HECW1: variants seen among roughly 807,000 people sequenced by gnomAD.
The protein encoded by HECW1 is E3 ubiquitin-protein ligase HECW1.
HECW1 carries 61 observed loss-of-function variants against 182.3 expected under a neutral mutation model. The observed-to-expected ratio is 0.33, with a 90% CI of 0.27 to 0.41. HECW1 has a LOEUF of 0.41. HECW1 is among the 10% of genes least tolerant of loss of function. The pLI, the probability that HECW1 is intolerant of heterozygous loss-of-function variation, is 1.00. For missense variants in HECW1, 1,739 were observed against 2,108.9 expected (o/e 0.82, Z 3.44); for synonymous variants, 859 against 832.6 (o/e 1.03, Z -0.55).
intron 2 of HECW1, among the ~76,000 whole-genome samples, chr7:43,204,437 G>A (rs1388770942): frequency 6.6e-6 from 1 of 152,104 alleles, no homozygotes; most frequent in East Asian, 1.9e-4. Flanking sequence ...CTCACTATCA[G>A]AGTGCAAATC....
chr7:43,257,949 T>C (rs1235863082), intron 3 of HECW1, among the ~76,000 whole-genome samples: 1 of 152,220 alleles, frequency 6.6e-6, no homozygotes, highest in Non-Finnish European at 1.5e-5. Context: ...AATTATTAAA[T>C]GCTCATTAGT....
In HECW1 at chr7:43,379,260, T is replaced by G. The variant is rs2074453401; in HGVS notation, c.556-17554T>G. Among the ~76,000 whole-genome samples the G allele has an allele frequency of 1.3e-5, 2 of 152,084 alleles. 1 individual carries two copies. Among genetic ancestry groups the G allele is most frequent in the South Asian group, 4.1e-4 (2 of 4,824 alleles). ...TGTGGAGAGAAGGCTGCTTTACACT[T>G]CCATTTTCCTCACACCTAGAGTGCC... is the stretch of plus-strand genomic sequence containing the variant. On this transcript the variant is annotated intron_variant, in intron 6 of 29. Transcript: ENST00000395891.
intron 19 of HECW1, among the ~76,000 whole-genome samples, chr7:43,498,723 G>A (rs897692019): frequency 7.9e-5 from 12 of 152,100 alleles, no homozygotes; most frequent in African/African-American, 2.9e-4. Flanking sequence ...TTCTGGTGAT[G>A]CCATTTCCTG....
At position 43,501,287 on chromosome 7, in the gene HECW1, G is replaced by A. The variant is rs201959497; in HGVS notation, c.3596G>A (p.Arg1199Gln). 16 of 1,603,664 alleles carry A rather than the reference G, an allele frequency of 1.0e-5. No individual in the cohort carries two copies. Among genetic ancestry groups the A allele is most frequent in the East Asian group, 2.3e-5 (1 of 44,302 alleles). ...AFHPGYSFSP[R>Q]CSPCSSPQNS... is the part of the protein sequence containing the mutation. ...CACCCTGGGTATAGCTTCTCTCCCC[G>A]ATGTTCACCCTGTTCTTCACCTCAG... Residue 1199 changes from arginine (R) to glutamine (Q), a missense_variant, in exon 21 of 30, where the codon CGA (arginine) becomes CAA (glutamine). Arg to Gln is a conservative substitution (Grantham distance 43). This residue lies in a region of HECW1 where 420 missense variants were observed against 595.7 expected (regional missense o/e 0.71). Coordinates refer to ENST00000395891, the MANE Select transcript of HECW1 (RefSeq NM_015052.5).
At chr7:43,465,168 T>TGAG (rs1270664103) in intron 14 of HECW1, among the ~76,000 whole-genome samples, 1 of 152,102 alleles carries the variant, frequency 6.6e-6, no homozygotes, top group African/African-American at 2.4e-5. Context: ...ACTAGAAACA[T>TGAG]GAGGAAAAAG....
At chr7:43,403,494 G>C (rs149966352) in intron 7 of HECW1, among the ~76,000 whole-genome samples, 19 of 152,288 alleles carry the variant, frequency 1.2e-4, no homozygotes, top group African/African-American at 3.6e-4. Flanking sequence ...CCCTGGTAGA[G>C]AGCGGAAGAG....
At chr7:43,552,783 G>C (rs1011434986) in intron 28 of HECW1, among the ~76,000 whole-genome samples, 1 of 152,176 alleles carries the variant, frequency 6.6e-6, no homozygotes, top group East Asian at 1.9e-4. Context: ...ACATTCCATT[G>C]CATGTATATA....
intron 16 of HECW1, among the ~76,000 whole-genome samples, chr7:43,475,011 C>T (rs1027680743): frequency 6.6e-6 from 1 of 152,136 alleles, no homozygotes; most frequent in Non-Finnish European, 1.5e-5. Context: ...TTTGTGGATA[C>T]AGTGTTTCAA....
intron 7 of HECW1, among the ~76,000 whole-genome samples, chr7:43,401,180 G>T (rs368278470): frequency 6.6e-6 from 1 of 152,090 alleles, no homozygotes; most frequent in Non-Finnish European, 1.5e-5. Flanking sequence ...TCTGTCTACC[G>T]CAGTCAAGAA....
chr7:43,560,563 G>A (rs2152966129), intron 29 of HECW1, among the ~76,000 whole-genome samples: 1 of 152,136 alleles, frequency 6.6e-6, no homozygotes, highest in East Asian at 1.9e-4. Flanking sequence ...TTCTCGATGG[G>A]CAGGAAACCC....
chr7:43,393,142 G>C (rs559184233), intron 6 of HECW1, among the ~76,000 whole-genome samples: 1 of 152,244 alleles, frequency 6.6e-6, no homozygotes, highest in African/African-American at 2.4e-5. Flanking sequence ...ACATTTGGGT[G>C]CAAGACACAC....
chr7:43,234,028 G>T (rs1434166269), intron 2 of HECW1, among the ~76,000 whole-genome samples: 1 of 152,250 alleles, frequency 6.6e-6, no homozygotes, highest in Non-Finnish European at 1.5e-5. Context: ...GGAGCAGCCA[G>T]CTTCTCTCCA....
chr7:43,354,176 A>T (rs143162812), intron 5 of HECW1, among the ~76,000 whole-genome samples: 11 of 142,572 alleles, frequency 7.7e-5, no homozygotes, highest in African/African-American at 2.4e-4. Context: ...CTACACAAAC[A>T]TATCCAATAA....
intron 23 of HECW1, 45 bp downstream of exon 23, chr7:43,508,176 C>A: frequency 2.2e-6 from 3 of 1,351,716 alleles, no homozygotes; most frequent in Non-Finnish European, 3.2e-6. Context: ...CAAGGGTGGG[C>A]CAGAGCCTCA....
At chr7:43,505,413 T>C (rs1346308874) in intron 21 of HECW1, among the ~76,000 whole-genome samples, 1 of 152,236 alleles carries the variant, frequency 6.6e-6, no homozygotes, top group Non-Finnish European at 1.5e-5. Flanking sequence ...GGGGTTTTGT[T>C]CTTTTCTGCA....
intron 2 of HECW1, among the ~76,000 whole-genome samples, chr7:43,237,514 G>A (rs748673657): frequency 1.3e-5 from 2 of 152,126 alleles, no homozygotes; most frequent in East Asian, 3.9e-4. Context: ...GCATGACATT[G>A]GGCATATTAC....
At chr7:43,332,289 C>T (rs1811598803) in intron 5 of HECW1, among the ~76,000 whole-genome samples, 1 of 152,180 alleles carries the variant, frequency 6.6e-6, no homozygotes, top group South Asian at 2.1e-4. Context: ...ATCACAGACA[C>T]ACGGAGCTGG....
chr7:43,293,596 C>T (rs548866041), intron 3 of HECW1, among the ~76,000 whole-genome samples: 3 of 152,300 alleles, frequency 2.0e-5, no homozygotes, highest in East Asian at 1.9e-4. Context: ...GCCTCAGATA[C>T]GTGTATCAAA....
At chr7:43,390,268 G>T (rs2074970598) in intron 6 of HECW1, among the ~76,000 whole-genome samples, 2 of 152,076 alleles carry the variant, frequency 1.3e-5, no homozygotes, top group Non-Finnish European at 2.9e-5. Flanking sequence ...GGCCACGCAT[G>T]GTGGCTCATG....
Sources: allele counts gnomAD v4.1 joint callset (sites outside exome capture counted in the v4.1 genomes callset), GRCh38; gene constraint gnomAD v4.1.1; regional missense constraint gnomAD v4.1.1; transcripts MANE v1.5; gene names NCBI Gene and HGNC (gene_info 2026-07-23, HGNC 2026-07-21).